Variants in GABPB1 observed in about 807,000 individuals in gnomAD.
GABPB1 encodes the protein GA-binding protein subunit beta-1.
GABPB1 carries 15 observed loss-of-function variants against 45.9 expected under a neutral mutation model. That is an observed-to-expected ratio of 0.33 (90% confidence interval 0.22 to 0.50). GABPB1 has a LOEUF of 0.50. GABPB1 is among the 20% of genes least tolerant of loss of function. The pLI, the probability that GABPB1 is intolerant of heterozygous loss-of-function variation, is 0.98. For missense variants in GABPB1, 252 were observed against 457.5 expected (o/e 0.55, Z 4.10); for synonymous variants, 143 against 154.4 (o/e 0.93, Z 0.55).
chr15:50,341,910 A>G (rs1367124631), intron 1 of GABPB1, among the ~76,000 whole-genome samples: 3 of 152,218 alleles, frequency 2.0e-5, no homozygotes, highest in Non-Finnish European at 4.4e-5. Flanking sequence ...TAATCATTAA[A>G]TAAGTGGTAA....
chr15:50,295,983 A>G (rs981097999), intron 6 of GABPB1, among the ~76,000 whole-genome samples: 1 of 152,220 alleles, frequency 6.6e-6, no homozygotes, highest in Non-Finnish European at 1.5e-5. Context: ...AATGTGTGGT[A>G]TATGTCAAAA....
intron 6 of GABPB1, among the ~76,000 whole-genome samples, chr15:50,292,526 A>G (rs2046384606): frequency 6.6e-6 from 1 of 152,082 alleles, no homozygotes; most frequent in Non-Finnish European, 1.5e-5. Flanking sequence ...TCATTCTACC[A>G]AGTGGTCATT....
At chr15:50,349,024 A>G (rs1460678737) in intron 1 of GABPB1, 1 of 152,184 alleles carries the variant, frequency 6.6e-6, no homozygotes, top group Non-Finnish European at 1.5e-5. Context: ...ATATTATAAA[A>G]TAGGACTCAA....
rs1252523995 is a variant in GABPB1 at position 50,276,005 on chromosome 15, C to G, written c.*2627G>C. ...AACTCAGTGTCTGGATAGTACGTAA[C>G]AAGAACGATTCTAGGTGCACAGGAA... On this transcript the variant is annotated 3_prime_UTR_variant, in exon 9 of 9. Coordinates refer to ENST00000380877, the MANE Select transcript of GABPB1 (RefSeq NM_016654.5). The G allele has an allele frequency of 3.3e-5, 5 of 152,162 alleles. No homozygotes were observed. Among genetic ancestry groups the G allele is most frequent in the Non-Finnish European group, 7.3e-5 (5 of 68,040 alleles). 9.4% of individuals were successfully genotyped at this position (152,162 alleles called of 1,614,324 possible).
At chr15:50,293,076 A>G (rs2046404956) in intron 6 of GABPB1, among the ~76,000 whole-genome samples, 1 of 152,216 alleles carries the variant, frequency 6.6e-6, no homozygotes, top group Admixed American at 6.5e-5. Context: ...GTATTTACAC[A>G]TTACAAAAGT....
chr15:50,337,196 T>C lies in GABPB1; in HGVS notation c.-1+17789A>G, dbSNP rs1361325029. Among the ~76,000 whole-genome samples the C allele has an allele frequency of 4.8e-5, 7 of 145,250 alleles. No homozygotes were observed. In the Admixed American group the frequency reaches 4.9e-4, roughly 10 times the overall value. On this transcript the variant is annotated intron_variant, in intron 1 of 8. Coordinates refer to ENST00000380877, the MANE Select transcript of GABPB1 (RefSeq NM_016654.5). ...CAATCCAGCATTTCTCAATTTGTGTTTCCCAAAGCTCCAGACTTCAGTAGC... is the reference window on the plus strand; with the variant it reads ...CAATCCAGCATTTCTCAATTTGTGTCTCCCAAAGCTCCAGACTTCAGTAGC...
In GABPB1 at chr15:50,303,023, T is replaced by C. The variant is rs779258439; in HGVS notation, c.377A>G (p.Tyr126Cys). The C allele has an allele frequency of 2.3e-5, 37 of 1,613,774 alleles. No homozygotes were observed. The highest frequency in any genetic ancestry group is 2.9e-5 in the Non-Finnish European group (34 of 1,179,818). ...HQEVVELLIK[Y>C]GADVHTQSKF... ...ACTTTGCGTGTGTACATCAGCACCA[T>C]ATTTGATTAAAAGTTCCACCACCTC... The change falls in exon 4 of 9, where the codon TAT (tyrosine) becomes TGT (cysteine). Residue 126 changes from tyrosine (Y) to cysteine (C), a missense_variant. Physicochemically the swap from Tyr to Cys is radical, Grantham distance 194. Coordinates refer to ENST00000380877, the MANE Select transcript of GABPB1 (RefSeq NM_016654.5).
At position 50,276,122 on chromosome 15, in the gene GABPB1, G is replaced by A. The variant is rs1320069760; in HGVS notation, c.*2510C>T. On this transcript the variant is annotated 3_prime_UTR_variant, in exon 9 of 9. Transcript: ENST00000380877. ...GCTCCAGGTGTTTGTTCACACATAT[G>A]TGGAAACAATTAACCAGTGATGTGG... 6.6e-6 allele frequency: 1 copy of A among 152,226 alleles called. No individual in the cohort carries two copies. 9.4% of individuals were successfully genotyped at this position (152,226 alleles called of 1,614,324 possible).
intron 1 of GABPB1, among the ~76,000 whole-genome samples, chr15:50,326,326 C>T (rs1179822108): frequency 2.1e-4 from 32 of 152,220 alleles, no homozygotes; most frequent in Admixed American, 2.0e-3. Context: ...CCAGACTGAA[C>T]AACATGGTGA....
intron 1 of GABPB1, among the ~76,000 whole-genome samples, chr15:50,310,825 A>C (rs1213182368): frequency 2.0e-5 from 3 of 151,964 alleles, no homozygotes; most frequent in Admixed American, 6.6e-5. Flanking sequence ...TAAAAATAAA[A>C]AATTGGCTGG....
intron 1 of GABPB1, chr15:50,351,890 C>T (rs2048846030): frequency 1.3e-5 from 2 of 152,046 alleles, no homozygotes; most frequent in Admixed American, 1.3e-4. Context: ...TGTAGCTATC[C>T]CAATGTAGGC....
chr15:50,336,514 A>T (rs8033172), intron 1 of GABPB1, among the ~76,000 whole-genome samples: 74,755 of 151,370 alleles, frequency 0.49, 19,512 homozygotes, highest in Middle Eastern at 0.65. Context: ...CTACAAAAAA[A>T]TTTAAAAAAA....
chr15:50,298,801 A>C (rs2046615998), intron 6 of GABPB1, among the ~76,000 whole-genome samples: 1 of 152,104 alleles, frequency 6.6e-6, no homozygotes, highest in East Asian at 1.9e-4. Context: ...AAAATACAAA[A>C]AATAGCTGGG....
At chr15:50,334,179 C>G (rs1595824786) in intron 1 of GABPB1, among the ~76,000 whole-genome samples, 2 of 152,012 alleles carry the variant, frequency 1.3e-5, no homozygotes, top group African/African-American at 4.8e-5. Flanking sequence ...TACTATTATC[C>G]TAATTAGGAT....
At position 50,289,856 on chromosome 15, in the gene GABPB1, T is replaced by C. The variant is rs529666773; in HGVS notation, c.698-188A>G. On this transcript the variant is annotated intron_variant, in intron 6 of 8. Transcript: ENST00000380877. Reference sequence around the variant, plus strand: ...GGCACAATCATGGCTCACTGCATCCTTAACTCCTGCACTCACGTAATCCTC... The same window carrying C: ...GGCACAATCATGGCTCACTGCATCCCTAACTCCTGCACTCACGTAATCCTC... 5.3e-5 allele frequency among the ~76,000 whole-genome samples: 8 copies of C among 152,178 alleles called. No individual in the cohort carries two copies. The East Asian group carries it at 1.5e-3, about 29-fold the overall frequency.
chr15:50,338,904 C>T (rs528998695), intron 1 of GABPB1, among the ~76,000 whole-genome samples: 18 of 152,328 alleles, frequency 1.2e-4, no homozygotes, highest in East Asian at 5.8e-4. Flanking sequence ...AACACAGTGG[C>T]TCATGTCTCA....
chr15:50,317,205 C>T (rs2047364441), intron 1 of GABPB1, among the ~76,000 whole-genome samples: 3 of 151,172 alleles, frequency 2.0e-5, no homozygotes, highest in Admixed American at 6.6e-5. Flanking sequence ...AGACCAGCCT[C>T]GCCAACACAG....
intron 1 of GABPB1, among the ~76,000 whole-genome samples, chr15:50,340,547 CAAAAAAAAAAA>C (rs397853899): frequency 9.0e-6 from 1 of 110,784 alleles, no homozygotes; most frequent in South Asian, 3.2e-4. Context: ...CTATAATCAC[CAAAAAAAAAAA>C]AAAAAAAAAA....
intron 1 of GABPB1, among the ~76,000 whole-genome samples, chr15:50,330,423 C>T (rs892182887): frequency 2.0e-5 from 3 of 152,166 alleles, no homozygotes; most frequent in Non-Finnish European, 4.4e-5. Context: ...CAAGATCTCA[C>T]CTTGCAATTT....
Sources: gnomAD v4.1 joint callset for allele counts (sites outside exome capture counted in the v4.1 genomes callset) on GRCh38, gnomAD v4.1.1 for gene constraint, MANE v1.5 for transcripts, NCBI Gene and HGNC (gene_info 2026-07-23, HGNC 2026-07-21) for gene names.